TENM4: variants seen among roughly 807,000 people sequenced by gnomAD.
The protein encoded by TENM4 is teneurin transmembrane protein 4, also known as teneurin-4.
In TENM4, 82 loss-of-function variants were observed where a neutral mutation model predicts 243.3. The observed-to-expected ratio is 0.34, with a 90% CI of 0.28 to 0.40. The LOEUF is 0.40. TENM4 is among the 10% of genes least tolerant of loss of function. The pLI is 1.00. For missense variants in TENM4, 3,138 were observed against 3,673.3 expected, an observed-to-expected ratio of 0.85 and a Z score of 3.77; for synonymous variants, 1,412 against 1,456.3, an observed-to-expected ratio of 0.97 and a Z score of 0.69.
intron 2 of TENM4, among the ~76,000 whole-genome samples, chr11:79,238,724 G>A (rs575902545): frequency 6.6e-6 from 1 of 152,050 alleles, no homozygotes; most frequent in Non-Finnish European, 1.5e-5. Flanking sequence ...GACTAATACA[G>A]GACTCAAGAA....
intron 1 of TENM4, among the ~76,000 whole-genome samples, chr11:79,390,221 C>G (rs931113108): frequency 1.3e-5 from 2 of 152,154 alleles, no homozygotes; most frequent in Admixed American, 6.5e-5. Context: ...AGAGAGGGGT[C>G]CAGGAGACCT....
At chr11:78,925,986 T>C (rs1026690477) in intron 6 of TENM4, among the ~76,000 whole-genome samples, 1 of 151,670 alleles carries the variant, frequency 6.6e-6, no homozygotes, top group African/African-American at 2.4e-5. Flanking sequence ...AAAGCCCATA[T>C]ATTACATAAT....
At chr11:78,692,203 T>TTTTC (rs955477885) in intron 28 of TENM4, among the ~76,000 whole-genome samples, 54 of 152,272 alleles carry the variant, frequency 3.5e-4, no homozygotes, top group African/African-American at 1.3e-3. Context: ...TACTGGCAAA[T>TTTTC]TTTCTTTCTT....
Position 79,300,186 on chromosome 11 carries a change from T to C in TENM4, c.-320-2643A>G, listed in dbSNP as rs187580305. On this transcript the variant is annotated intron_variant, in intron 1 of 33. Transcript: ENST00000278550. ...ATTTTCTTTCTGACTATTCACTAAA[T>C]ACAATAAAAACTCACCTAACACCAT... Among the ~76,000 whole-genome samples the C allele has an allele frequency of 2.0e-3, 300 of 152,312 alleles. 3 individuals carry two copies. In the Middle Eastern group the frequency reaches 0.02, roughly 10 times the overall value.
chr11:79,134,461 A>G lies in TENM4; in HGVS notation c.-66+14249T>C, dbSNP rs895300142. ...AATTCAACCCAATTCCCATCAAAAT[A>G]CTACCATCATTCTTCACAGAACTAG... On this transcript the variant is annotated intron_variant, in intron 4 of 33. Transcript: ENST00000278550. 5.3e-5 allele frequency among the ~76,000 whole-genome samples: 8 copies of G among 152,302 alleles called. 1 individual carries two copies. Among genetic ancestry groups the G allele is most frequent in the African/African-American group, 1.9e-4 (8 of 41,556 alleles).
chr11:78,673,268 G>A (rs1858381159), intron 30 of TENM4, among the ~76,000 whole-genome samples: 1 of 152,146 alleles, frequency 6.6e-6, no homozygotes, highest in Admixed American at 6.5e-5. Context: ...GATCTGCCCT[G>A]TAGGCATTGG....
intron 12 of TENM4, among the ~76,000 whole-genome samples, chr11:78,826,559 G>T (rs2136135322): frequency 6.6e-6 from 1 of 152,242 alleles, no homozygotes; most frequent in Admixed American, 6.5e-5. Context: ...AGCATTCTAA[G>T]TGGACTTCTG....
intron 6 of TENM4, among the ~76,000 whole-genome samples, chr11:79,047,589 C>T (rs953201292): frequency 1.3e-5 from 2 of 152,164 alleles, no homozygotes; most frequent in African/African-American, 4.8e-5. Flanking sequence ...TCGGATTTGT[C>T]TCAGAGCTCT....
intron 6 of TENM4, among the ~76,000 whole-genome samples, chr11:79,052,547 T>C (rs1452296162): frequency 6.6e-6 from 1 of 152,196 alleles, no homozygotes; most frequent in African/African-American, 2.4e-5. Flanking sequence ...TGTAAGTATA[T>C]AATAAATAGT....
rs1364588145 is a variant in TENM4 at position 79,069,912 on chromosome 11, C to T, written c.33G>A (p.Ser11=). The T allele has an allele frequency of 1.3e-6, 2 of 1,547,324 alleles. No homozygotes were observed. Among genetic ancestry groups the T allele is most frequent in the Non-Finnish European group, 1.7e-6 (2 of 1,146,640 alleles). The stretch of plus-strand genomic sequence containing the variant: ...GCTCGGCGTCGCGGCGCCGGGTCAG[C>T]GAGCGGTAAGGCTTCCTCTCCTTCA... MDVKERKPYR[S]LTRRRDAERR... The change falls in exon 5 of 34, where the codon TCG becomes TCA. Residue 11 remains serine, a synonymous_variant. Transcript: ENST00000278550.
chr11:79,181,158 CTA>C (rs979352584), intron 3 of TENM4, among the ~76,000 whole-genome samples: 8 of 152,020 alleles, frequency 5.3e-5, no homozygotes, highest in African/African-American at 1.9e-4. Flanking sequence ...CTACAGGCCA[CTA>C]TCTCTCAGGA....
In TENM4 at chr11:79,312,835, G is replaced by T. The variant is rs149249058; in HGVS notation, c.-320-15292C>A. 3.6e-3 allele frequency among the ~76,000 whole-genome samples: 549 copies of T among 152,308 alleles called. 7 individuals are homozygous for T. The highest frequency in any genetic ancestry group is 0.023 in the Admixed American group (351 of 15,310). On this transcript the variant is annotated intron_variant, in intron 1 of 33. Transcript: ENST00000278550. ...CTGCCACTAGCATATTCTGAAGTGG[G>T]CTGTTCCTTTCTCTTAATGAGATGC...
intron 1 of TENM4, among the ~76,000 whole-genome samples, chr11:79,340,766 T>C (rs1857228704): frequency 6.6e-6 from 1 of 152,156 alleles, no homozygotes; most frequent in African/African-American, 2.4e-5. Flanking sequence ...AAGACCCATC[T>C]GAAATGTGCC....
intron 6 of TENM4, among the ~76,000 whole-genome samples, chr11:79,060,495 G>A (rs1860058964): frequency 6.6e-6 from 1 of 152,226 alleles, no homozygotes; most frequent in Non-Finnish European, 1.5e-5. Flanking sequence ...ATGCAAGGCA[G>A]GGTGTGGAGG....
chr11:78,879,429 C>G (rs1244808335), intron 9 of TENM4, among the ~76,000 whole-genome samples: 1 of 147,548 alleles, frequency 6.8e-6, no homozygotes. Flanking sequence ...CCCGGCCGCC[C>G]CGTCTGGGAG....
intron 1 of TENM4, among the ~76,000 whole-genome samples, chr11:79,343,929 A>C (rs1857284141): frequency 6.6e-6 from 1 of 152,210 alleles, no homozygotes; most frequent in South Asian, 2.1e-4. Context: ...CTTAGCTGGC[A>C]CAAAGAACAT....
chr11:78,657,029 C>T lies in TENM4; in HGVS notation c.*1029G>A, dbSNP rs555573228. ...GTGGTGGAGGGAAGATACTCAAAGT[C>T]ATAGAGAGAGGGCTTTGCCTCGGAA... On this transcript the variant is annotated 3_prime_UTR_variant, in exon 34 of 34. Coordinates refer to ENST00000278550, the MANE Select transcript of TENM4 (RefSeq NM_001098816.3). 10 of 398,634 alleles carry T rather than the reference C, an allele frequency of 2.5e-5. No homozygotes were observed. The South Asian group carries it at 5.1e-4, about 20-fold the overall frequency. The allele number at this position is 398,634 out of a possible 1,614,324, so 24.7% of individuals were successfully genotyped here.
At chr11:78,702,579 T>C (rs1296894713) in intron 27 of TENM4, among the ~76,000 whole-genome samples, 176 bp from the exon 28 acceptor site, 1 of 152,090 alleles carries the variant, frequency 6.6e-6, no homozygotes, top group Non-Finnish European at 1.5e-5. Flanking sequence ...CGGGAAACCA[T>C]GAAAGAGCTG....
chr11:78,676,143 C>T lies in TENM4; in HGVS notation c.5496+9G>A, dbSNP rs969085045. The T allele has an allele frequency of 1.3e-6, 2 of 1,497,906 alleles. No individual in the cohort carries two copies. Among genetic ancestry groups the T allele is most frequent in the Non-Finnish European group, 1.8e-6 (2 of 1,111,440 alleles). 92.8% of individuals were successfully genotyped at this position (1,497,906 alleles called of 1,614,324 possible). On this transcript the variant is annotated intron_variant, in intron 30 of 33. Coordinates refer to ENST00000278550, the MANE Select transcript of TENM4 (RefSeq NM_001098816.3). Reference sequence around the variant, plus strand: ...CCAGGACGCAGCCACCTCCAGAGGCCTCGCTCACCCGCAGCCGGCGCCCAA... The same window carrying T: ...CCAGGACGCAGCCACCTCCAGAGGCTTCGCTCACCCGCAGCCGGCGCCCAA...
Sources: allele counts gnomAD v4.1 joint callset (sites outside exome capture counted in the v4.1 genomes callset), GRCh38; gene constraint gnomAD v4.1.1; transcripts MANE v1.5; gene names NCBI Gene and HGNC (gene_info 2026-07-23, HGNC 2026-07-21).